Variants in HDAC9 observed in about 807,000 individuals in gnomAD.
HDAC9 encodes MEF-2 interacting transcription repressor (MITR) protein.
HDAC9 carries 41 observed loss-of-function variants against 139.4 expected under a neutral mutation model. That is an observed-to-expected ratio of 0.29 (90% CI 0.23 to 0.38). The LOEUF (loss-of-function observed/expected upper bound fraction) is 0.38, where lower values mean the gene tolerates loss of function less well. Ranked by LOEUF, HDAC9 falls within the 10% of genes least tolerant of loss-of-function variation. HDAC9 has a pLI of 1.00. For missense variants in HDAC9, 1,147 were observed against 1,297.0 expected, an observed-to-expected ratio of 0.88 and a Z score of 1.78; for synonymous variants, 517 against 476.2, an observed-to-expected ratio of 1.09 and a Z score of -1.12.
In HDAC9 at chr7:18,736,008, A is replaced by AGTTC. The variant is rs563628833; in HGVS notation, c.1909+8252_1909+8255dup. ...TCTCTTTGTAGTAATTGTGAATGGG[A>AGTTC]GTTCACTCACGATTTGACTCTCTGT... On this transcript the variant is annotated intron_variant, in intron 13 of 25. Transcript: ENST00000686413. 2.0e-4 allele frequency among the ~76,000 whole-genome samples: 30 copies of AGTTC among 152,252 alleles called. No homozygotes were observed. In the East Asian group the frequency reaches 5.6e-3, roughly 28 times the overall value.
At chr7:18,912,809 T>G (rs1319617326) in intron 22 of HDAC9, among the ~76,000 whole-genome samples, 1 of 152,124 alleles carries the variant, frequency 6.6e-6, no homozygotes, top group African/African-American at 2.4e-5. Context: ...CCCCTATTAC[T>G]CAGAAGTTTG....
intron 25 of HDAC9, among the ~76,000 whole-genome samples, chr7:18,991,350 A>G (rs1785924059): frequency 6.6e-6 from 1 of 152,228 alleles, no homozygotes; most frequent in Non-Finnish European, 1.5e-5. Flanking sequence ...AAAGATAAAG[A>G]AGTCATCAGG....
chr7:18,158,081 A>T (rs1787358660), intron 1 of HDAC9, among the ~76,000 whole-genome samples: 1 of 152,192 alleles, frequency 6.6e-6, no homozygotes, highest in Non-Finnish European at 1.5e-5. Flanking sequence ...AGAAAGATAT[A>T]TCAGATTTAA....
chr7:18,311,022 G>A (rs1179347433), intron 1 of HDAC9, among the ~76,000 whole-genome samples: 1 of 151,872 alleles, frequency 6.6e-6, no homozygotes, highest in East Asian at 1.9e-4. Flanking sequence ...AGATCTTTAT[G>A]TTAATGTAAC....
At chr7:18,374,395 G>C (rs1175777887) in intron 1 of HDAC9, among the ~76,000 whole-genome samples, 1 of 151,882 alleles carries the variant, frequency 6.6e-6, no homozygotes, top group African/African-American at 2.4e-5. Flanking sequence ...ACATCTTAGA[G>C]AGCACTTACA....
chr7:18,854,478 C>A (rs545795011), intron 21 of HDAC9, among the ~76,000 whole-genome samples: 13 of 151,974 alleles, frequency 8.6e-5, no homozygotes, highest in Admixed American at 5.2e-4. Context: ...CAGAGTCTGT[C>A]GGTGTATCTT....
chr7:18,654,107 T>C (rs939897831), intron 11 of HDAC9, among the ~76,000 whole-genome samples: 1 of 152,180 alleles, frequency 6.6e-6, no homozygotes, highest in Non-Finnish European at 1.5e-5. Context: ...AGAAGAACAA[T>C]TCTTTACATG....
chr7:18,944,109 G>A (rs991857028), intron 23 of HDAC9, among the ~76,000 whole-genome samples: 4 of 152,126 alleles, frequency 2.6e-5, no homozygotes, highest in African/African-American at 9.7e-5. Flanking sequence ...ACTAATTGCA[G>A]ACTTCTCTAA....
chr7:18,956,308 T>C (rs1047649451), intron 24 of HDAC9, among the ~76,000 whole-genome samples: 3 of 152,126 alleles, frequency 2.0e-5, no homozygotes, highest in African/African-American at 7.2e-5. Context: ...CAATATGTGT[T>C]GGTTCAGCGG....
intron 16 of HDAC9, among the ~76,000 whole-genome samples, chr7:18,780,855 C>T (rs567708160): frequency 1.3e-5 from 2 of 152,128 alleles, no homozygotes; most frequent in African/African-American, 4.8e-5. Flanking sequence ...TTGCACTAGC[C>T]CATTGTGTTC....
At chr7:18,858,066 T>C (rs929640360) in intron 21 of HDAC9, among the ~76,000 whole-genome samples, 3 of 152,192 alleles carry the variant, frequency 2.0e-5, no homozygotes, top group Admixed American at 6.6e-5. Context: ...GCCGGCTGTT[T>C]AGTGGTTCAT....
intron 12 of HDAC9, among the ~76,000 whole-genome samples, chr7:18,715,969 C>G (rs1784668599): frequency 1.3e-5 from 2 of 152,170 alleles, no homozygotes; most frequent in African/African-American, 4.8e-5. Flanking sequence ...CAAGATAAAT[C>G]TATCCAATTC....
intron 1 of HDAC9, among the ~76,000 whole-genome samples, chr7:18,455,500 G>A (rs1793261262): frequency 6.6e-6 from 1 of 152,106 alleles, no homozygotes; most frequent in Non-Finnish European, 1.5e-5. Flanking sequence ...AAACTGAGAA[G>A]GAACAATTCT....
At chr7:18,426,476 G>A (rs1790126968) in intron 1 of HDAC9, among the ~76,000 whole-genome samples, 1 of 152,066 alleles carries the variant, frequency 6.6e-6, no homozygotes, top group African/African-American at 2.4e-5. Flanking sequence ...AATTGAATTG[G>A]CGCAAATTAT....
At chr7:18,733,189 A>G (rs760192255) in intron 13 of HDAC9, among the ~76,000 whole-genome samples, 3 of 148,532 alleles carry the variant, frequency 2.0e-5, no homozygotes, top group Non-Finnish European at 3.0e-5. Context: ...GTGTCTATAC[A>G]TATATACACG....
chr7:18,211,200 C>T (rs1373935393), intron 2 of HDAC9, among the ~76,000 whole-genome samples: 18 of 152,210 alleles, frequency 1.2e-4, no homozygotes, highest in Admixed American at 1.1e-3. Flanking sequence ...TTACAAAGCT[C>T]TTATTGAGCT....
At chr7:18,208,032 A>G (rs1654340560) in intron 2 of HDAC9, among the ~76,000 whole-genome samples, 1 of 152,068 alleles carries the variant, frequency 6.6e-6, no homozygotes, top group African/African-American at 2.4e-5. Flanking sequence ...TTATTTTTAA[A>G]AAGCAAATTG....
chr7:18,285,161 T>A (rs539843842), intron 2 of HDAC9, among the ~76,000 whole-genome samples: 1 of 152,192 alleles, frequency 6.6e-6, no homozygotes, highest in South Asian at 2.1e-4. Context: ...TTGGGGGAAA[T>A]TGTGAGGGTG....
intron 11 of HDAC9, among the ~76,000 whole-genome samples, chr7:18,650,114 C>A (rs1788781781): frequency 6.6e-6 from 1 of 152,110 alleles, no homozygotes; most frequent in Admixed American, 6.6e-5. Context: ...GTATGTGACT[C>A]TGCATATGTT....
Sources: allele counts gnomAD v4.1 joint callset (sites outside exome capture counted in the v4.1 genomes callset), GRCh38; gene constraint gnomAD v4.1.1; transcripts MANE v1.5; gene names NCBI Gene and HGNC (gene_info 2026-07-23, HGNC 2026-07-21).